TRAPPC9: variants seen among roughly 807,000 people sequenced by gnomAD.
TRAPPC9 encodes the protein IKK2 binding protein.
In TRAPPC9, 83 loss-of-function variants were observed where a neutral mutation model predicts 124.0. The ratio of observed to expected loss-of-function variants is 0.67; its 90% confidence interval spans 0.56 to 0.80. TRAPPC9 has a LOEUF of 0.80. Ranked by LOEUF, TRAPPC9 falls within the 30% of genes least tolerant of loss-of-function variation. TRAPPC9 has a pLI of 0.00. For synonymous variants in TRAPPC9, 638 were observed against 617.5 expected, an observed-to-expected ratio of 1.03 and a Z score of -0.49; for missense variants, 1,302 against 1,508.3, an observed-to-expected ratio of 0.86 and a Z score of 2.27.
chr8:140,255,473 A>T (rs536290950), intron 15 of TRAPPC9, among the ~76,000 whole-genome samples: 61 of 152,360 alleles, frequency 4.0e-4, no homozygotes, highest in South Asian at 3.5e-3. Flanking sequence ...GTATTTTAGA[A>T]TGATCTGGGA....
intron 17 of TRAPPC9, among the ~76,000 whole-genome samples, chr8:140,200,736 C>T (rs2062768516): frequency 6.6e-6 from 1 of 152,106 alleles, no homozygotes; most frequent in South Asian, 2.1e-4. Flanking sequence ...TAGATGTCAT[C>T]GAGCGTCCTG....
At chr8:140,272,123 A>ATGGTGGCGATGG (rs1554657947) in intron 15 of TRAPPC9, among the ~76,000 whole-genome samples, 1 of 141,050 alleles carries the variant, frequency 7.1e-6, no homozygotes, top group Non-Finnish European at 1.5e-5. Context: ...GGCAATGGTG[A>ATGGTGGCGATGG]TGGTGGCGAT....
chr8:139,785,624 G>C (rs983673141), intron 21 of TRAPPC9, among the ~76,000 whole-genome samples: 2 of 151,924 alleles, frequency 1.3e-5, no homozygotes, highest in East Asian at 3.9e-4. Flanking sequence ...AGCTACTCGG[G>C]AGGCTGAGGC....
rs553350865 is a variant in TRAPPC9, at chr8:140,205,567, G to T, written c.2556+15892C>A. Among the ~76,000 whole-genome samples the T allele has an allele frequency of 1.4e-4, 22 of 152,286 alleles. No individual in the cohort carries two copies. In the South Asian group the frequency reaches 4.1e-3, roughly 29 times the overall value. On this transcript the variant is annotated intron_variant, in intron 17 of 22. Transcript: ENST00000438773. ...CACTTCACGGCCTACTTGAAAACAA[G>T]AAATTTTAAATCATGAATGCACTAC...
chr8:140,401,942 T>A (rs925694380), intron 6 of TRAPPC9, among the ~76,000 whole-genome samples: 31 of 151,426 alleles, frequency 2.0e-4, no homozygotes, highest in African/African-American at 6.3e-4. Flanking sequence ...TTTTTTTTTT[T>A]AATTAATTCT....
chr8:140,136,801 G>C (rs139537881), intron 17 of TRAPPC9, among the ~76,000 whole-genome samples: 2 of 152,164 alleles, frequency 1.3e-5, no homozygotes, highest in Non-Finnish European at 2.9e-5. Context: ...GACAGTGGGA[G>C]ATCCAGGCTG....
chr8:140,050,715 T>C (rs1841937018), intron 17 of TRAPPC9, among the ~76,000 whole-genome samples: 1 of 151,766 alleles, frequency 6.6e-6, no homozygotes, highest in East Asian at 1.9e-4. Context: ...AGATGGGGGC[T>C]GGGGAGGGAA....
intron 21 of TRAPPC9, among the ~76,000 whole-genome samples, chr8:139,862,567 T>C (rs970776074): frequency 2.0e-5 from 3 of 152,212 alleles, no homozygotes; most frequent in Non-Finnish European, 1.5e-5. Flanking sequence ...ACTTCCTCTG[T>C]TGATTCCCAA....
At chr8:139,950,887 G>A (rs1293902785) in intron 19 of TRAPPC9, among the ~76,000 whole-genome samples, 6 of 152,210 alleles carry the variant, frequency 3.9e-5, no homozygotes, top group South Asian at 4.1e-4. Flanking sequence ...CACATGGCAT[G>A]CGGCAAGAGG....
intron 10 of TRAPPC9, among the ~76,000 whole-genome samples, chr8:140,308,657 C>G (rs1001167194): frequency 6.6e-6 from 1 of 151,934 alleles, no homozygotes; most frequent in African/African-American, 2.4e-5. Flanking sequence ...CTGAGGCGGG[C>G]GGATCACGAG....
At chr8:140,307,406 T>C (rs187364120) in intron 10 of TRAPPC9, among the ~76,000 whole-genome samples, 100 of 152,344 alleles carry the variant, frequency 6.6e-4, no homozygotes, top group Non-Finnish European at 1.2e-3. Context: ...GCCTGGTTTC[T>C]ATCAGCTGCT....
intron 21 of TRAPPC9, among the ~76,000 whole-genome samples, chr8:139,865,185 G>A (rs185919062): frequency 6.6e-6 from 1 of 152,294 alleles, no homozygotes; most frequent in Admixed American, 6.5e-5. Flanking sequence ...TCAGAAGGCT[G>A]CTCTCAGGGC....
chr8:140,060,328 G>T (rs1201248254), intron 17 of TRAPPC9, among the ~76,000 whole-genome samples: 10 of 152,350 alleles, frequency 6.6e-5, no homozygotes, highest in South Asian at 6.2e-4. Flanking sequence ...CCTGCCTGGA[G>T]TTCTCTGCCT....
intron 20 of TRAPPC9, chr8:139,905,038 G>C (rs770606946): frequency 6.6e-6 from 1 of 152,234 alleles, no homozygotes; most frequent in Non-Finnish European, 1.5e-5. Context: ...TCCAGTATTG[G>C]TAGCTGGAGG....
At chr8:139,955,886 G>C (rs966691432) in intron 19 of TRAPPC9, among the ~76,000 whole-genome samples, 1 of 152,206 alleles carries the variant, frequency 6.6e-6, no homozygotes, top group African/African-American at 2.4e-5. Flanking sequence ...GCCTGGTGTG[G>C]TCTGCCTTGC....
intron 21 of TRAPPC9, among the ~76,000 whole-genome samples, chr8:139,743,552 C>T (rs1015986535): frequency 5.9e-5 from 9 of 152,112 alleles, no homozygotes; most frequent in African/African-American, 1.9e-4. Flanking sequence ...AAATCTTGGG[C>T]GGTCCTAAAT....
intron 17 of TRAPPC9, among the ~76,000 whole-genome samples, chr8:140,156,657 G>A (rs1175896452): frequency 6.6e-6 from 1 of 152,142 alleles, no homozygotes; most frequent in Non-Finnish European, 1.5e-5. Context: ...CATGACCTCT[G>A]CAGAAACAGA....
In TRAPPC9 at chr8:140,311,257, G is replaced by C; in HGVS notation, c.1613C>G (p.Pro538Arg). The change falls in exon 10 of 23, where the codon CCC becomes CGC. Residue 538 changes from proline to arginine, a missense_variant. Physicochemically the swap from Pro to Arg is moderately radical, Grantham distance 103 (BLOSUM62 -2). Coordinates refer to ENST00000438773, the MANE Select transcript of TRAPPC9 (RefSeq NM_001160372.4). ...GCAGTGCCCATCTCACCTGACGATG[G>C]GAAGCTTGGTGAAGGGCACCGGTGG... Reference protein sequence around the residue: ...TLPPVPFTKLPIVRHVKLLNL... With the variant: ...TLPPVPFTKLRIVRHVKLLNL... 6.2e-7 allele frequency: 1 copy of C among 1,611,674 alleles called. No homozygotes were observed. Among genetic ancestry groups the C allele is most frequent in the Non-Finnish European group, 8.5e-7 (1 of 1,179,998 alleles).
chr8:139,959,351 T>A lies in TRAPPC9; in HGVS notation c.2810+29375A>T, dbSNP rs530627724. 2.6e-5 allele frequency among the ~76,000 whole-genome samples: 4 copies of A among 152,344 alleles called. No homozygotes were observed. In the South Asian group the frequency reaches 8.3e-4, roughly 32 times the overall value. ...GGCTTCCTCTGTGCCAGGTACTCTT[T>A]TGGGAGCCACAACATCCATAAATCA... On this transcript the variant is annotated intron_variant, in intron 19 of 22. Transcript: ENST00000438773.
Sources: gnomAD v4.1 joint callset for allele counts (sites outside exome capture counted in the v4.1 genomes callset) on GRCh38, gnomAD v4.1.1 for gene constraint, MANE v1.5 for transcripts, NCBI Gene and HGNC (gene_info 2026-07-23, HGNC 2026-07-21) for gene names.